The following APBB2 variants were observed in gnomAD, a reference collection of about 807,000 sequenced individuals.
The protein encoded by APBB2 is Fe65-like 1.
Under a neutral mutation model 82.5 loss-of-function variants are expected in APBB2, and 38 were observed. That is an observed-to-expected ratio of 0.46 (90% CI 0.36 to 0.60). APBB2 has a LOEUF of 0.60. Among genes scored for constraint, APBB2 ranks in the 20% least tolerant of loss-of-function variants. APBB2 has a pLI of 0.00. For missense variants in APBB2, 772 were observed against 972.3 expected, an observed-to-expected ratio of 0.79 and a Z score of 2.74; for synonymous variants, 341 against 368.2, an observed-to-expected ratio of 0.93 and a Z score of 0.85.
chr4:40,864,164 G>A (rs1370515791), intron 12 of APBB2, among the ~76,000 whole-genome samples: 1 of 152,008 alleles, frequency 6.6e-6, no homozygotes, highest in Non-Finnish European at 1.5e-5. Flanking sequence ...TGAGGCAGGA[G>A]AATTGCTTGA....
intron 6 of APBB2, among the ~76,000 whole-genome samples, chr4:41,001,818 C>T (rs1340220310): frequency 1.4e-4 from 21 of 150,938 alleles, no homozygotes; most frequent in Admixed American, 1.4e-3. Flanking sequence ...GCAGAGCTTG[C>T]AGTGAGCCGA....
chr4:41,045,475 G>A (rs1050379800), intron 4 of APBB2, among the ~76,000 whole-genome samples: 2 of 151,950 alleles, frequency 1.3e-5, no homozygotes, highest in Non-Finnish European at 1.5e-5. Context: ...TGTATTTTTA[G>A]TAGAGACGGG....
chr4:40,846,267 G>A (rs1485556295), intron 12 of APBB2, among the ~76,000 whole-genome samples: 2 of 143,776 alleles, frequency 1.4e-5, no homozygotes, highest in African/African-American at 2.6e-5. Flanking sequence ...GGAGCTCCAC[G>A]AGGAGAAAGG....
intron 6 of APBB2, among the ~76,000 whole-genome samples, chr4:40,998,760 T>C (rs4482806): frequency 0.84 from 128,176 of 152,140 alleles, 54,022 homozygotes; most frequent in East Asian, 0.89. Flanking sequence ...GTGCTTTGGG[T>C]CATTATTAAG....
In APBB2 at chr4:40,832,013, T is replaced by TATATATACACACACAC. The variant is rs777910826; in HGVS notation, c.1530-1437_1530-1436insGTGTGTGTGTATATAT. On this transcript the variant is annotated intron_variant, in intron 12 of 17. Coordinates refer to ENST00000508593, the MANE Select transcript of APBB2 (RefSeq NM_004307.2). This position sits in a 1 kb window ranked among gnomAD's most constrained non-coding sequence, Gnocchi z 4.8. ...ACACATATTTATATATTTATTTATA[T>TATATATACACACACAC]ACACACACACACACACACACACACA... Among the ~76,000 whole-genome samples, 3 of 138,880 alleles carry TATATATACACACACAC rather than the reference T, an allele frequency of 2.2e-5. No homozygotes were observed. Among genetic ancestry groups the TATATATACACACACAC allele is most frequent in the Admixed American group, 7.3e-5 (1 of 13,648 alleles). The allele number at this position is 138,880 out of a possible 152,430, so 91.1% of individuals were successfully genotyped here.
At chr4:41,203,359 T>A (rs57471501) in intron 1 of APBB2, among the ~76,000 whole-genome samples, 15,966 of 152,230 alleles carry the variant, frequency 0.1, 1,262 homozygotes, top group African/African-American at 0.23. Context: ...TCCTTTATTT[T>A]TCTTAGTAGA....
intron 3 of APBB2, among the ~76,000 whole-genome samples, chr4:41,099,544 C>T (rs537145530): frequency 6.6e-6 from 1 of 152,100 alleles, no homozygotes; most frequent in South Asian, 2.1e-4. Context: ...CTTCAAAACT[C>T]AAGACCCTTA....
chr4:40,849,650 C>G (rs1015361484), intron 12 of APBB2, among the ~76,000 whole-genome samples: 1 of 151,420 alleles, frequency 6.6e-6, no homozygotes, highest in Non-Finnish European at 1.5e-5. Context: ...CTCAGAGGTA[C>G]TAGTGTATAA....
chr4:40,991,424 TTC>T (rs1802069111), intron 6 of APBB2, among the ~76,000 whole-genome samples: 1 of 152,086 alleles, frequency 6.6e-6, no homozygotes, highest in African/African-American at 2.4e-5. Context: ...CGATAACCTA[TTC>T]TGTCCCTAAA....
At chr4:40,921,416 G>A (rs1361279089) in intron 10 of APBB2, among the ~76,000 whole-genome samples, 1 of 152,200 alleles carries the variant, frequency 6.6e-6, no homozygotes, top group East Asian at 1.9e-4. Context: ...TGGTGGTTCT[G>A]AGAATCAGAC....
At chr4:40,935,205 A>G in intron 7 of APBB2, 66 bp from the exon 8 acceptor site, 5 of 1,165,356 alleles carry the variant, frequency 4.3e-6, no homozygotes, top group Non-Finnish European at 6.0e-6. Context: ...AAGAAAAGAA[A>G]AAAAAAAAAC....
intron 5 of APBB2, among the ~76,000 whole-genome samples, chr4:41,022,284 C>A (rs1252219379): frequency 6.6e-6 from 1 of 152,186 alleles, no homozygotes; most frequent in Non-Finnish European, 1.5e-5. Context: ...GGGATTGGGC[C>A]CAGTCAGGGC....
At chr4:41,040,922 C>T (rs1477946034) in intron 4 of APBB2, among the ~76,000 whole-genome samples, 1 of 152,054 alleles carries the variant, frequency 6.6e-6, no homozygotes, top group Non-Finnish European at 1.5e-5. Context: ...GCTCTGTCGC[C>T]CAGGCTGGAG....
At chr4:41,135,226 A>C (rs540181760) in intron 2 of APBB2, among the ~76,000 whole-genome samples, 1 of 151,820 alleles carries the variant, frequency 6.6e-6, no homozygotes, top group Admixed American at 6.6e-5. Context: ...CATGGTTACT[A>C]TGATTCTAAA....
In APBB2 at chr4:41,000,105, G is replaced by GTGTGTGTGTGTGTGTGTGTGTGTA. The variant is rs10694468; in HGVS notation, c.835+13477_835+13478insTACACACACACACACACACACACA. 5.1e-4 allele frequency among the ~76,000 whole-genome samples: 69 copies of GTGTGTGTGTGTGTGTGTGTGTGTA among 135,132 alleles called. 3 individuals carry two copies. The highest frequency in any genetic ancestry group is 8.3e-4 in the Admixed American group (11 of 13,202). 88.7% of individuals were successfully genotyped at this position (135,132 alleles called of 152,430 possible). A position where few individuals can be genotyped will look rare whatever the true frequency, so the allele number is the denominator to read the frequency against. On this transcript the variant is annotated intron_variant, in intron 6 of 17. Coordinates refer to ENST00000508593, the MANE Select transcript of APBB2 (RefSeq NM_004307.2). ...TGTGTGTGTGTGTGTGTGTGTGTGT[G>GTGTGTGTGTGTGTGTGTGTGTGTA]TATAAATTAGCCAGGTGTGGTGGTG... is the stretch of plus-strand genomic sequence containing the variant.
chr4:41,190,276 G>C (rs1214612058), intron 1 of APBB2, among the ~76,000 whole-genome samples: 1 of 110,140 alleles, frequency 9.1e-6, no homozygotes, highest in African/African-American at 4.2e-5. Context: ...TTTTGAGATG[G>C]AGTCTTGTTC....
At position 40,931,217 on chromosome 4, in the gene APBB2, G is replaced by A. The variant is rs114896163; in HGVS notation, c.1254+3239C>T. On this transcript the variant is annotated intron_variant, in intron 10 of 17. Transcript: ENST00000508593. ...TTGCCACTCCTCCCTCTGAGGTGCTGGCTCTGGCCCCCAGGCAACACAAAA... is the reference window on the plus strand; with the variant it reads ...TTGCCACTCCTCCCTCTGAGGTGCTAGCTCTGGCCCCCAGGCAACACAAAA... Among the ~76,000 whole-genome samples, 360 of 152,306 alleles carry A rather than the reference G, an allele frequency of 2.4e-3. 2 individuals are homozygous for A. The highest frequency in any genetic ancestry group is 8.2e-3 in the African/African-American group (341 of 41,566).
intron 4 of APBB2, among the ~76,000 whole-genome samples, chr4:41,042,755 C>T (rs945062963): frequency 2.8e-5 from 4 of 144,396 alleles, no homozygotes; most frequent in Non-Finnish European, 6.3e-5. Flanking sequence ...CTGTCTACTA[C>T]CCCTGCAGCT....
chr4:40,883,197 T>C (rs184912749), intron 12 of APBB2, among the ~76,000 whole-genome samples: 45 of 151,058 alleles, frequency 3.0e-4, no homozygotes, highest in Non-Finnish European at 5.6e-4. Flanking sequence ...GCCTGCCCTA[T>C]ACCCTTTTAT....
Sources: gnomAD v4.1 joint callset for allele counts (sites outside exome capture counted in the v4.1 genomes callset) on GRCh38, gnomAD v4.1.1 for gene constraint, Gnocchi (gnomAD v3.1) non-coding constraint, MANE v1.5 for transcripts, NCBI Gene and HGNC (gene_info 2026-07-23, HGNC 2026-07-21) for gene names.